DOCK4: variants seen among roughly 807,000 people sequenced by gnomAD.
The protein encoded by DOCK4 is dedicator of cytokinesis protein 4.
A neutral mutation model predicts 268.1 loss-of-function variants in DOCK4; 97 were observed. That is an observed-to-expected ratio of 0.36 (90% CI 0.31 to 0.43). The LOEUF (loss-of-function observed/expected upper bound fraction) is 0.43. Among genes scored for constraint, DOCK4 ranks in the 20% least tolerant of loss-of-function variants. DOCK4 has a pLI of 1.00. For synonymous variants in DOCK4, 954 were observed against 887.2 expected (o/e 1.08, Z -1.34); for missense variants, 2,145 against 2,455.7 (o/e 0.87, Z 2.67).
At chr7:111,749,286 C>T (rs1796478811) in intron 42 of DOCK4, among the ~76,000 whole-genome samples, 1 of 152,044 alleles carries the variant, frequency 6.6e-6, no homozygotes. Context: ...CTCTGAGTAA[C>T]TGAAAGTTAA....
intron 1 of DOCK4, among the ~76,000 whole-genome samples, chr7:112,131,299 ATGTGATTCCC>A (rs1813773755): frequency 6.6e-6 from 1 of 152,168 alleles, no homozygotes; most frequent in South Asian, 2.1e-4. Flanking sequence ...ATATGCAGCC[ATGTGATTCCC>A]TGTGTACCTG....
intron 42 of DOCK4, among the ~76,000 whole-genome samples, chr7:111,750,827 T>C (rs1291819433): frequency 6.6e-6 from 1 of 152,172 alleles, no homozygotes; most frequent in Non-Finnish European, 1.5e-5. Flanking sequence ...CATTTTTAAA[T>C]TTAATAACTG....
chr7:112,193,968 C>T (rs1820194545), intron 1 of DOCK4, among the ~76,000 whole-genome samples: 1 of 152,016 alleles, frequency 6.6e-6, no homozygotes, highest in Non-Finnish European at 1.5e-5. Context: ...GTGAGCTCTC[C>T]AGGATCTCTT....
At chr7:112,095,231 G>C (rs74517739) in intron 1 of DOCK4, among the ~76,000 whole-genome samples, 1 of 152,066 alleles carries the variant, frequency 6.6e-6, no homozygotes, top group Non-Finnish European at 1.5e-5. Context: ...CAATGAAATT[G>C]AGTTGAGAGG....
chr7:111,984,852 T>C (rs1798928791), intron 6 of DOCK4, among the ~76,000 whole-genome samples: 1 of 152,178 alleles, frequency 6.6e-6, no homozygotes, highest in Non-Finnish European at 1.5e-5. Context: ...ACATGTTTCT[T>C]ATATGAATCT....
intron 13 of DOCK4, among the ~76,000 whole-genome samples, chr7:111,909,554 G>C (rs1265425074): frequency 6.6e-6 from 1 of 152,150 alleles, no homozygotes; most frequent in Non-Finnish European, 1.5e-5. Context: ...ACTGGATAAA[G>C]AAAAAGGAGG....
At chr7:112,125,989 C>T (rs147873591) in intron 1 of DOCK4, among the ~76,000 whole-genome samples, 15 of 152,020 alleles carry the variant, frequency 9.9e-5, no homozygotes, top group African/African-American at 2.2e-4. Flanking sequence ...TTTGTAGAGA[C>T]GGGGCTTCGT....
intron 1 of DOCK4, among the ~76,000 whole-genome samples, chr7:112,019,521 T>G (rs1802136203): frequency 6.6e-6 from 1 of 152,078 alleles, no homozygotes. Flanking sequence ...TAAAAAGCAA[T>G]CTATATAAAT....
intron 1 of DOCK4, among the ~76,000 whole-genome samples, chr7:112,006,113 G>C (rs906573069): frequency 9.2e-5 from 14 of 152,168 alleles, no homozygotes; most frequent in Non-Finnish European, 1.6e-4. Flanking sequence ...TAGGAAAATA[G>C]CATCAAGCCT....
At chr7:111,925,615 A>G (rs1203897997) in intron 12 of DOCK4, among the ~76,000 whole-genome samples, 1 of 152,178 alleles carries the variant, frequency 6.6e-6, no homozygotes, top group Non-Finnish European at 1.5e-5. Context: ...ACATGATGAA[A>G]GGAGCCTAGT....
chr7:111,862,687 T>C (rs1243390302), intron 23 of DOCK4, among the ~76,000 whole-genome samples: 1 of 151,942 alleles, frequency 6.6e-6, no homozygotes, highest in Non-Finnish European at 1.5e-5. Flanking sequence ...AGATGGGGTT[T>C]CACCATGTTG....
chr7:112,134,165 C>A (rs74612875), intron 1 of DOCK4, among the ~76,000 whole-genome samples: 3,244 of 152,138 alleles, frequency 0.021, 121 homozygotes, highest in African/African-American at 0.073. Context: ...TCTCAGAGTC[C>A]ATAATTTATA....
At chr7:112,046,350 A>G (rs1804822733) in intron 1 of DOCK4, among the ~76,000 whole-genome samples, 1 of 152,230 alleles carries the variant, frequency 6.6e-6, no homozygotes. Flanking sequence ...CAGACAATTG[A>G]AAAAATAGAT....
chr7:111,778,212 C>T (rs1028671644), intron 36 of DOCK4, 64 bp downstream of exon 36: 43 of 1,132,238 alleles, frequency 3.8e-5, no homozygotes, highest in African/African-American at 2.2e-4. Flanking sequence ...TTACAAAAAG[C>T]GGAGGAATGA....
chr7:111,837,093 G>C lies in DOCK4; in HGVS notation c.2737-2407C>G, dbSNP rs143669891. Among the ~76,000 whole-genome samples the C allele has an allele frequency of 2.6e-3, 390 of 151,912 alleles. 5 individuals are homozygous for C. Among genetic ancestry groups the C allele is most frequent in the South Asian group, 0.022 (106 of 4,808 alleles). On this transcript the variant is annotated intron_variant, in intron 25 of 52. Coordinates refer to ENST00000428084, the MANE Select transcript of DOCK4 (RefSeq NM_001363540.2). ...CACCAAGGCACATCATAATCAAATT[G>C]CTTATAGCCAGTGGTAGAGAAAATC...
intron 1 of DOCK4, among the ~76,000 whole-genome samples, chr7:112,127,739 G>A (rs1813373446): frequency 1.3e-5 from 2 of 152,142 alleles, no homozygotes. Flanking sequence ...TGTAAAGAAA[G>A]CCTAAGCTTG....
chr7:111,944,131 A>G (rs1007713605), intron 10 of DOCK4, among the ~76,000 whole-genome samples: 39 of 152,342 alleles, frequency 2.6e-4, no homozygotes, highest in Admixed American at 2.0e-4. Flanking sequence ...ATGAGGGAAC[A>G]CATTCTGGCT....
intron 1 of DOCK4, among the ~76,000 whole-genome samples, chr7:112,182,114 A>G (rs2116705642): frequency 6.6e-6 from 1 of 152,332 alleles, no homozygotes; most frequent in East Asian, 1.9e-4. Context: ...TAGACAAGTT[A>G]CCTGATCCTT....
rs559143347 is a variant in DOCK4 at position 112,138,312 on chromosome 7, C to G, written c.37+67790G>C. On this transcript the variant is annotated intron_variant, in intron 1 of 52. Transcript: ENST00000428084. ...GTACTTACTATTTTGTCACACCTGGCTACTGAAGTATTTTGTTGGAAAATG... is the reference window on the plus strand; with the variant it reads ...GTACTTACTATTTTGTCACACCTGGGTACTGAAGTATTTTGTTGGAAAATG... Among the ~76,000 whole-genome samples the G allele has an allele frequency of 2.1e-4, 32 of 152,270 alleles. No individual in the cohort carries two copies. The South Asian group carries it at 3.7e-3, about 18-fold the overall frequency.
Sources: gnomAD v4.1 joint callset for allele counts (sites outside exome capture counted in the v4.1 genomes callset) on GRCh38, gnomAD v4.1.1 for gene constraint, MANE v1.5 for transcripts, NCBI Gene and HGNC (gene_info 2026-07-23, HGNC 2026-07-21) for gene names.